The following RAC1 variants were observed in gnomAD, a reference collection of about 807,000 sequenced individuals.
RAC1 encodes ras-related C3 botulinum toxin substrate 1.
Under a neutral mutation model 25.2 loss-of-function variants are expected in RAC1, and 2 were observed. That is an observed-to-expected ratio of 0.08 (90% CI 0.03 to 0.25). The LOEUF (loss-of-function observed/expected upper bound fraction) is 0.25, where lower values mean the gene tolerates loss of function less well. Among genes scored for constraint, RAC1 ranks in the 10% least tolerant of loss-of-function variants. The pLI, the probability that RAC1 is intolerant of heterozygous loss-of-function variation, is 1.00. For synonymous variants in RAC1, 88 were observed against 94.0 expected, an observed-to-expected ratio of 0.94 and a Z score of 0.37; for missense variants, 50 against 235.7, an observed-to-expected ratio of 0.21 and a Z score of 5.16.
At position 6,388,346 on chromosome 7, in the gene RAC1, C is replaced by CTTTTT. The variant is rs71008389; in HGVS notation, c.107+1077_107+1081dup. Among the ~76,000 whole-genome samples the CTTTTT allele has an allele frequency of 4.5e-3, 553 of 121,742 alleles. 4 individuals are homozygous for CTTTTT. The highest frequency in any genetic ancestry group is 0.011 in the East Asian group (46 of 4,370). The allele number at this position is 121,742 out of a possible 152,430, so 79.9% of individuals were successfully genotyped here. On this transcript the variant is annotated intron_variant, in intron 2 of 5. Coordinates refer to ENST00000348035, the MANE Select transcript of RAC1 (RefSeq NM_006908.5). Reference sequence around the variant, plus strand: ...TTTTGTTGTTGTTGTTGTTGTTTTCCTTTTTTTTTTTTTTTTTTGGAGTTA... The same window carrying CTTTTT: ...TTTTGTTGTTGTTGTTGTTGTTTTCCTTTTTTTTTTTTTTTTTTTTTTTGGAGTTA...
chr7:6,402,264 C>G, intron 5 of RAC1, 52 bp from the exon 6 acceptor site: 1 of 1,552,214 alleles, frequency 6.4e-7, no homozygotes, highest in Non-Finnish European at 8.7e-7. Flanking sequence ...GTGGTGTGAT[C>G]AGAAGAGAGT....
At chr7:6,386,619 TA>T (rs1433811079) in intron 1 of RAC1, among the ~76,000 whole-genome samples, 2 of 151,562 alleles carry the variant, frequency 1.3e-5, no homozygotes, top group Non-Finnish European at 2.9e-5. Context: ...CCATCTCTAC[TA>T]AAAATACAAA....
intron 4 of RAC1, among the ~76,000 whole-genome samples, chr7:6,401,211 C>T (rs998199894): frequency 6.6e-6 from 1 of 152,204 alleles, no homozygotes; most frequent in Admixed American, 6.5e-5. Flanking sequence ...CCGCCGCAGA[C>T]TCCCAGAGTG....
rs750724441 is a variant in RAC1, at chr7:6,402,046, T to C, written c.448+19T>C. 1.9e-6 allele frequency: 3 copies of C among 1,609,040 alleles called. No individual in the cohort carries two copies. The highest frequency in any genetic ancestry group is 2.2e-5 in the South Asian group (2 of 90,350). On this transcript the variant is annotated intron_variant, in intron 5 of 5. Coordinates refer to ENST00000348035, the MANE Select transcript of RAC1 (RefSeq NM_006908.5). ...GAGATTGGTATGGAATCCTGTGTTT[T>C]TCCTCCTCCTTGTACCTCTTTTATT...
intron 1 of RAC1, among the ~76,000 whole-genome samples, chr7:6,386,309 A>G (rs764129210): frequency 1.6e-4 from 25 of 152,100 alleles, no homozygotes; most frequent in Non-Finnish European, 3.4e-4. Context: ...AGCTGAATCA[A>G]TGTGATGGCA....
intron 2 of RAC1, among the ~76,000 whole-genome samples, chr7:6,388,989 T>C (rs1405904681): frequency 6.6e-6 from 1 of 150,508 alleles, no homozygotes; most frequent in Non-Finnish European, 1.5e-5. Flanking sequence ...TCACTTGAGG[T>C]CAGGAGTTCG....
chr7:6,377,614 CTA>C (rs1782644964), intron 1 of RAC1, among the ~76,000 whole-genome samples: 1 of 151,526 alleles, frequency 6.6e-6, no homozygotes, highest in African/African-American at 2.4e-5. Context: ...AAAACAAAAA[CTA>C]TTAGAGATAC....
At chr7:6,381,288 G>T (rs1003746968) in intron 1 of RAC1, among the ~76,000 whole-genome samples, 4 of 152,230 alleles carry the variant, frequency 2.6e-5, no homozygotes, top group Admixed American at 2.6e-4. Flanking sequence ...TGGAAGGGTG[G>T]ATTCAGACTT....
In RAC1 at chr7:6,402,502, C is replaced by CAAAAAAAAAAAA. The variant is rs1484553436; in HGVS notation, c.*65_*66insAAAAAAAAAAAA. The CAAAAAAAAAAAA allele has an allele frequency of 1.9e-4, 20 of 106,272 alleles. 1 individual carries two copies. In the East Asian group the frequency reaches 2.2e-3, roughly 12 times the overall value. The allele number at this position is 106,272 out of a possible 1,614,324, so 6.6% of individuals were successfully genotyped here. A position where few individuals can be genotyped will look rare whatever the true frequency, so the allele number is the denominator to read the frequency against. ...CCTTGGAACCTTTGTACGCTTTGCTCAAAAAAAAACAAAAAAAAAAAACAA... is the reference window on the plus strand; with the variant it reads ...CCTTGGAACCTTTGTACGCTTTGCTCAAAAAAAAAAAAAAAAAAAAACAAAAAAAAAAAACAA... On this transcript the variant is annotated 3_prime_UTR_variant, in exon 6 of 6. Coordinates refer to ENST00000348035, the MANE Select transcript of RAC1 (RefSeq NM_006908.5).
chr7:6,375,102 T>G (rs993257833), intron 1 of RAC1, among the ~76,000 whole-genome samples: 2 of 151,542 alleles, frequency 1.3e-5, no homozygotes, highest in African/African-American at 2.4e-5. Context: ...CTTGGAGATT[T>G]TGACCATTTT....
chr7:6,398,686 A>G (rs1783314869), intron 3 of RAC1: 4 of 1,613,952 alleles, frequency 2.5e-6, no homozygotes, highest in Non-Finnish European at 3.4e-6. Context: ...CGGTAAGGAT[A>G]TAACCTCCCG....
In RAC1 at chr7:6,389,206, A is replaced by C. The variant is rs1275095076; in HGVS notation, c.107+1923A>C. ...AACAGAGTGAGACTCTGTCTCCCAAAAAAAAAAAAAAATTAAAAAATTATT... is the reference window on the plus strand; with the variant it reads ...AACAGAGTGAGACTCTGTCTCCCAACAAAAAAAAAAAATTAAAAAATTATT... On this transcript the variant is annotated intron_variant, in intron 2 of 5. Coordinates refer to ENST00000348035, the MANE Select transcript of RAC1 (RefSeq NM_006908.5). Among the ~76,000 whole-genome samples the C allele has an allele frequency of 3.0e-4, 10 of 33,182 alleles. No homozygotes were observed. The African/African-American group carries it at 5.9e-3, about 19-fold the overall frequency. 21.8% of individuals were successfully genotyped at this position (33,182 alleles called of 152,430 possible).
At position 6,376,465 on chromosome 7, in the gene RAC1, T is replaced by G. The variant is rs554208241; in HGVS notation, c.35+1695T>G. Reference sequence around the variant, plus strand: ...TCCCAGAGTGTTGGGATTACAGGCGTAAGCCACGGCGCCCGGCCCAATTTT... The same window carrying G: ...TCCCAGAGTGTTGGGATTACAGGCGGAAGCCACGGCGCCCGGCCCAATTTT... On this transcript the variant is annotated intron_variant, in intron 1 of 5. Coordinates refer to ENST00000348035, the MANE Select transcript of RAC1 (RefSeq NM_006908.5). Among the ~76,000 whole-genome samples the G allele has an allele frequency of 2.7e-5, 4 of 149,728 alleles. No homozygotes were observed. In the East Asian group the frequency reaches 7.9e-4, roughly 30 times the overall value.
At chr7:6,390,692 G>A (rs1783069274) in intron 2 of RAC1, among the ~76,000 whole-genome samples, 1 of 151,900 alleles carries the variant, frequency 6.6e-6, no homozygotes, top group Non-Finnish European at 1.5e-5. Flanking sequence ...TAATGCAAAA[G>A]TATGCTCTAG....
chr7:6,377,138 A>G (rs1285185627), intron 1 of RAC1, among the ~76,000 whole-genome samples: 1 of 151,392 alleles, frequency 6.6e-6, no homozygotes, highest in Non-Finnish European at 1.5e-5. Context: ...TGCGGTTTCT[A>G]CTACTGAGAC....
chr7:6,380,168 T>C (rs1782724925), intron 1 of RAC1, among the ~76,000 whole-genome samples: 2 of 152,306 alleles, frequency 1.3e-5, no homozygotes, highest in Non-Finnish European at 2.9e-5. Context: ...TGAACGGTGG[T>C]GGCGTGAACC....
chr7:6,396,622 A>G (rs1254359691), intron 3 of RAC1, among the ~76,000 whole-genome samples: 2 of 152,218 alleles, frequency 1.3e-5, no homozygotes, highest in African/African-American at 2.4e-5. Flanking sequence ...ATCCTCTCCC[A>G]TGGTAAAGAT....
chr7:6,397,988 C>CA (rs879715660), intron 3 of RAC1, among the ~76,000 whole-genome samples: 25 of 152,314 alleles, frequency 1.6e-4, no homozygotes, highest in Middle Eastern at 6.8e-3. Context: ...GACTCCGTCT[C>CA]AAAAACGCTT....
intron 1 of RAC1, among the ~76,000 whole-genome samples, chr7:6,379,393 G>C (rs1045875872): frequency 1.3e-5 from 2 of 150,836 alleles, no homozygotes; most frequent in African/African-American, 4.9e-5. Flanking sequence ...TCCTGCCTCA[G>C]CTTGTCGAGT....
Sources: allele counts gnomAD v4.1 joint callset (sites outside exome capture counted in the v4.1 genomes callset), GRCh38; gene constraint gnomAD v4.1.1; transcripts MANE v1.5; gene names NCBI Gene and HGNC (gene_info 2026-07-23, HGNC 2026-07-21).